The following PCDH7 variants were observed in gnomAD, a reference collection of about 807,000 sequenced individuals.
PCDH7 encodes protocadherin 7.
A neutral mutation model predicts 58.9 loss-of-function variants in PCDH7; 17 were observed. The ratio of observed to expected loss-of-function variants is 0.29; its 90% CI spans 0.20 to 0.43. PCDH7 has a LOEUF of 0.43. PCDH7 is among the 20% of genes least tolerant of loss of function. The pLI is 1.00. For missense variants in PCDH7, 1,274 were observed against 1,441.0 expected (o/e 0.88, Z 1.88); for synonymous variants, 664 against 616.4 (o/e 1.08, Z -1.14).
chr4:31,084,521 T>C (rs1358487776), intron 3 of PCDH7, among the ~76,000 whole-genome samples: 1 of 151,312 alleles, frequency 6.6e-6, no homozygotes, highest in African/African-American at 2.4e-5. Flanking sequence ...AATTGGCTCA[T>C]GGTTCTGCAG....
intron 1 of PCDH7, among the ~76,000 whole-genome samples, chr4:30,809,249 A>T (rs17712630): frequency 0.018 from 2,784 of 152,312 alleles, 36 homozygotes; most frequent in Middle Eastern, 0.034. Context: ...AATCATCTGG[A>T]TAGCATTATC....
chr4:30,931,787 G>T (rs1384226299), intron 2 of PCDH7, among the ~76,000 whole-genome samples: 9 of 148,664 alleles, frequency 6.1e-5, no homozygotes, highest in African/African-American at 2.2e-4. Context: ...CAGTCTTAAA[G>T]AATTTCTAAT....
chr4:30,868,197 C>T (rs899820406), intron 1 of PCDH7, among the ~76,000 whole-genome samples: 7 of 152,096 alleles, frequency 4.6e-5, no homozygotes, highest in East Asian at 1.9e-4. Context: ...CCCTTTCTGG[C>T]GAAATTCCTA....
intron 3 of PCDH7, among the ~76,000 whole-genome samples, chr4:31,134,372 A>T (rs1235727261): frequency 6.6e-6 from 1 of 152,122 alleles, no homozygotes; most frequent in African/African-American, 2.4e-5. Flanking sequence ...AGGCAGGAGA[A>T]CTGCTAGAAC....
chr4:30,967,933 T>C (rs1031747609), intron 3 of PCDH7, among the ~76,000 whole-genome samples: 7 of 152,026 alleles, frequency 4.6e-5, no homozygotes, highest in African/African-American at 1.7e-4. Flanking sequence ...CAGACAAAAA[T>C]TGATTTGTGT....
intron 1 of PCDH7, among the ~76,000 whole-genome samples, chr4:30,873,925 A>G (rs1735941508): frequency 6.6e-6 from 1 of 152,096 alleles, no homozygotes; most frequent in Non-Finnish European, 1.5e-5. Context: ...AAATAACCCT[A>G]ACAGTATTTG....
intron 2 of PCDH7, among the ~76,000 whole-genome samples, chr4:30,922,095 T>G (rs1296954038): frequency 6.6e-6 from 1 of 151,702 alleles, no homozygotes; most frequent in Non-Finnish European, 1.5e-5. Context: ...TATAGTGTAT[T>G]ACGTTACATA....
intron 1 of PCDH7, among the ~76,000 whole-genome samples, chr4:30,844,385 T>A (rs899177022): frequency 3.9e-5 from 6 of 152,192 alleles, no homozygotes; most frequent in Admixed American, 3.3e-4. Flanking sequence ...TATACTTAGC[T>A]ATAATTACCA....
chr4:30,806,475 G>A (rs758502064), intron 1 of PCDH7, among the ~76,000 whole-genome samples: 3 of 151,764 alleles, frequency 2.0e-5, no homozygotes, highest in Non-Finnish European at 4.4e-5. Context: ...GCTAAATTTT[G>A]TACTTTTTTT....
At chr4:30,816,008 A>G (rs1277368482) in intron 1 of PCDH7, among the ~76,000 whole-genome samples, 1 of 152,218 alleles carries the variant, frequency 6.6e-6, no homozygotes, top group Non-Finnish European at 1.5e-5. Context: ...AACTCATTCA[A>G]TAAATTAATA....
intron 1 of PCDH7, among the ~76,000 whole-genome samples, chr4:30,814,428 G>C (rs1560397777): frequency 6.6e-6 from 1 of 151,936 alleles, no homozygotes; most frequent in East Asian, 1.9e-4. Flanking sequence ...AGCTCCTTTA[G>C]TTTATTTTAC....
chr4:31,018,168 A>G (rs1354473331), intron 3 of PCDH7, among the ~76,000 whole-genome samples: 1 of 152,094 alleles, frequency 6.6e-6, no homozygotes, highest in African/African-American at 2.4e-5. Flanking sequence ...GGATAATGAA[A>G]ATTTTCTTCT....
chr4:30,725,660 A>C (rs1714513016), intron 1 of PCDH7, among the ~76,000 whole-genome samples: 1 of 152,104 alleles, frequency 6.6e-6, no homozygotes, highest in Admixed American at 6.5e-5. Flanking sequence ...AGCTAATAAA[A>C]CATTACGTAT....
rs1324708401 is a variant in PCDH7 at position 30,732,118 on chromosome 4, A to T, written c.*1330A>T. On this transcript the variant is annotated 3_prime_UTR_variant, in exon 2 of 2. Transcript: ENST00000361762. ...GTGAATCTCTAATGTATACCTGAGGATTTTCATTTTATAAGCTGTGTATTT... is the reference window on the plus strand; with the variant it reads ...GTGAATCTCTAATGTATACCTGAGGTTTTTCATTTTATAAGCTGTGTATTT... 3.3e-5 allele frequency: 5 copies of T among 152,272 alleles called. No homozygotes were observed. In the East Asian group the frequency reaches 9.6e-4, roughly 29 times the overall value. The allele number at this position is 152,272 out of a possible 1,614,324, so 9.4% of individuals were successfully genotyped here. A position where few individuals can be genotyped will look rare whatever the true frequency, so the allele number is the denominator to read the frequency against.
intron 3 of PCDH7, among the ~76,000 whole-genome samples, chr4:31,016,883 ATGTGTGTGTGCTGGGTG>A (rs1388702830): frequency 2.4e-5 from 3 of 126,840 alleles, no homozygotes; most frequent in East Asian, 2.3e-4. Context: ...GTGTGTGCAT[ATGTGTGTGTGCTGGGTG>A]TGTGTGTGTG....
intron 3 of PCDH7, among the ~76,000 whole-genome samples, chr4:30,997,812 AC>A (rs1752036643): frequency 6.6e-6 from 1 of 152,300 alleles, no homozygotes; most frequent in Non-Finnish European, 1.5e-5. Context: ...ATCAGGCCAA[AC>A]AAATTATCTT....
At chr4:31,107,045 A>G (rs1446478277) in intron 3 of PCDH7, among the ~76,000 whole-genome samples, 1 of 152,140 alleles carries the variant, frequency 6.6e-6, no homozygotes, top group Non-Finnish European at 1.5e-5. Flanking sequence ...GGAATCTAAT[A>G]CCATTATTTA....
intron 3 of PCDH7, among the ~76,000 whole-genome samples, chr4:31,124,572 A>T (rs1718074067): frequency 6.6e-6 from 1 of 152,152 alleles, no homozygotes; most frequent in African/African-American, 2.4e-5. Context: ...TTCTTACCTC[A>T]CTGTCTTTTC....
intron 1 of PCDH7, among the ~76,000 whole-genome samples, chr4:30,894,514 TATACACACACACACAC>T (rs1294461857): frequency 4.6e-4 from 22 of 48,038 alleles, no homozygotes; most frequent in African/African-American, 2.1e-3. Context: ...TATATATATA[TATACACACACACACAC>T]ACACACACAC....
Sources: gnomAD v4.1 joint callset for allele counts (sites outside exome capture counted in the v4.1 genomes callset) on GRCh38, gnomAD v4.1.1 for gene constraint, MANE v1.5 for transcripts, NCBI Gene and HGNC (gene_info 2026-07-23, HGNC 2026-07-21) for gene names.